The following EXD1 variants were observed in gnomAD, a reference collection of about 807,000 sequenced individuals.
The protein encoded by EXD1 is piRNA biogenesis protein EXD1.
In EXD1, 63 loss-of-function variants were observed where a neutral mutation model predicts 49.1. The observed-to-expected ratio is 1.28, with a 90% CI of 1.05 to 1.58. The LOEUF (loss-of-function observed/expected upper bound fraction) is 1.58. EXD1 is among the 40% of genes most tolerant of loss of function. The probability of loss-of-function intolerance (pLI) is 0.00; values close to 1 mark genes in which losing one functional copy is unlikely to be tolerated. For synonymous variants in EXD1, 234 were observed against 239.2 expected, an observed-to-expected ratio of 0.98 and a Z score of 0.20; for missense variants, 748 against 666.0, an observed-to-expected ratio of 1.12 and a Z score of -1.36.
chr15:41,191,714 C>A, intron 9 of EXD1, 129 bp from the exon 10 acceptor site: 8 of 791,900 alleles, frequency 1.0e-5, no homozygotes, highest in South Asian at 6.0e-5. Context: ...ACCATGTCAT[C>A]GGAAAATTTA....
chr15:41,199,745 T>TGTG lies in EXD1; in HGVS notation c.535-3709_535-3708insCAC, dbSNP rs2046686824. Among the ~76,000 whole-genome samples the TGTG allele has an allele frequency of 2.1e-4, 14 of 68,272 alleles. 3 individuals carry two copies. The South Asian group carries it at 7.2e-3, about 35-fold the overall frequency. The allele number at this position is 68,272 out of a possible 152,430, so 44.8% of individuals were successfully genotyped here. A position where few individuals can be genotyped will look rare whatever the true frequency, so the allele number is the denominator to read the frequency against. On this transcript the variant is annotated intron_variant, in intron 7 of 11. Transcript: ENST00000458580. ...TATTATATATGATATATATGTCATA[T>TGTG]ATTATATATGATACATATATGATAT...
intron 11 of EXD1, among the ~76,000 whole-genome samples, chr15:41,186,470 C>CAAAAAAAAAAAAAAAAAAAAAA (rs58793050): frequency 1.5e-5 from 1 of 68,286 alleles, no homozygotes; most frequent in African/African-American, 5.2e-5. Context: ...GACTCTGTCT[C>CAAAAAAAAAAAAAAAAAAAAAA]AAAAAAAAAA....
In EXD1 at chr15:41,216,677, T is replaced by C; in HGVS notation, c.379A>G (p.Ser127Gly). The C allele has an allele frequency of 1.9e-6, 3 of 1,611,840 alleles. No individual in the cohort carries two copies. The highest frequency in any genetic ancestry group is 2.5e-6 in the Non-Finnish European group (3 of 1,179,682). The change falls in exon 5 of 12, where the codon AGC becomes GGC. Residue 127 changes from serine (S) to glycine (G), a missense_variant. By Grantham distance (56) the Ser-to-Gly change is moderately conservative. Coordinates refer to ENST00000458580, the MANE Select transcript of EXD1 (RefSeq NM_001286441.2). ...GAGCCCCTATATTCACCTGATGGGC[T>C]GTACTTGAGGTCATTCAGCAGAGAG... ...ATSLLNDLKY[S>G]PSEEEEVTYT...
intron 7 of EXD1, among the ~76,000 whole-genome samples, chr15:41,206,730 G>A (rs544583191): frequency 2.1e-5 from 3 of 139,572 alleles, no homozygotes; most frequent in South Asian, 2.3e-4. Flanking sequence ...CAAGTGATCC[G>A]CCTGCCTCAG....
At chr15:41,219,761 GAC>G in intron 3 of EXD1, 67 bp downstream of exon 3, 1 of 1,308,994 alleles carries the variant, frequency 7.6e-7, no homozygotes, top group Non-Finnish European at 1.1e-6. Flanking sequence ...ACAACATTAA[GAC>G]AAGACAATTT....
At chr15:41,191,269 C>G (rs1052144029) in intron 10 of EXD1, among the ~76,000 whole-genome samples, 173 bp downstream of exon 10, 1 of 152,078 alleles carries the variant, frequency 6.6e-6, no homozygotes, top group Non-Finnish European at 1.5e-5. Context: ...TGGATCCTGG[C>G]TTTTATCCAC....
chr15:41,228,027 G>A (rs1302766291), intron 1 of EXD1, among the ~76,000 whole-genome samples: 3 of 152,168 alleles, frequency 2.0e-5, no homozygotes, highest in African/African-American at 7.2e-5. Context: ...TCCAGCCTGG[G>A]AGACAAGAGT....
At chr15:41,217,863 T>A (rs2047025121) in intron 3 of EXD1, among the ~76,000 whole-genome samples, 1 of 152,200 alleles carries the variant, frequency 6.6e-6, no homozygotes, top group African/African-American at 2.4e-5. Flanking sequence ...GCAAAAAGCC[T>A]CTATGTTTCA....
chr15:41,216,204 G>C (rs148956608), intron 5 of EXD1, among the ~76,000 whole-genome samples: 1 of 151,382 alleles, frequency 6.6e-6, no homozygotes, highest in East Asian at 1.9e-4. Flanking sequence ...TCAGAACCCA[G>C]AAGCAATGGC....
chr15:41,196,953 G>A (rs568505097), intron 7 of EXD1, among the ~76,000 whole-genome samples: 2 of 151,920 alleles, frequency 1.3e-5, no homozygotes, highest in East Asian at 1.9e-4. Context: ...AGCCTCCCAA[G>A]TACCTGGATT....
At chr15:41,199,722 T>TTATATAGCA (rs2046682194) in intron 7 of EXD1, among the ~76,000 whole-genome samples, 1 of 94,636 alleles carries the variant, frequency 1.1e-5, no homozygotes, top group African/African-American at 4.8e-5. Context: ...ATATGATATA[T>TTATATAGCA]TATATATGAT....
At chr15:41,187,041 T>A (rs2046421119) in intron 11 of EXD1, among the ~76,000 whole-genome samples, 1 of 151,988 alleles carries the variant, frequency 6.6e-6, no homozygotes, top group Admixed American at 6.6e-5. Context: ...TGCGCCACCA[T>A]GCCCGGCTAA....
chr15:41,211,569 TC>T (rs2046921531), intron 6 of EXD1, among the ~76,000 whole-genome samples: 1 of 152,028 alleles, frequency 6.6e-6, no homozygotes, highest in South Asian at 2.1e-4. Context: ...ATGCCTGTAT[TC>T]CTAGCAGTGA....
intron 4 of EXD1, 84 bp from the exon 5 acceptor site, chr15:41,216,879 A>G: frequency 6.4e-7 from 1 of 1,566,276 alleles, no homozygotes; most frequent in Non-Finnish European, 8.6e-7. Context: ...ATTAACGTTA[A>G]GGACAGTGGT....
At position 41,217,134 on chromosome 15, in the gene EXD1, C is replaced by T; in HGVS notation, c.223G>A (p.Glu75Lys). 6.2e-7 allele frequency: 1 copy of T among 1,612,372 alleles called. No homozygotes were observed. Among genetic ancestry groups the T allele is most frequent in the Non-Finnish European group, 8.5e-7 (1 of 1,179,906 alleles). ...IVNVELLDEV[E>K]QGSVRAKASS... ...GCTTTTGCTCTCACTGAGCCTTGTT[C>T]CACTTCATCTAGTAGTTCCACTGTA... Residue 75 changes from glutamate to lysine, a missense_variant, in exon 4 of 12, where the codon GAA becomes AAA. Glu to Lys is a moderately conservative substitution (Grantham distance 56). Coordinates refer to ENST00000458580, the MANE Select transcript of EXD1 (RefSeq NM_001286441.2).
chr15:41,218,247 G>T (rs970845378), intron 3 of EXD1, among the ~76,000 whole-genome samples: 38 of 152,126 alleles, frequency 2.5e-4, no homozygotes, highest in African/African-American at 8.9e-4. Flanking sequence ...CACTTTGGGA[G>T]GGTGAGGGGG....
At chr15:41,199,711 T>TATGATATATTATATATCATAC (rs2046680491) in intron 7 of EXD1, among the ~76,000 whole-genome samples, 5 of 101,798 alleles carry the variant, frequency 4.9e-5, no homozygotes, top group African/African-American at 1.8e-4. Flanking sequence ...ATATATCATA[T>TATGATATATTATATATCATAC]ATATGATATA....
chr15:41,199,671 T>G (rs1475056255), intron 7 of EXD1, among the ~76,000 whole-genome samples: 1 of 65,394 alleles, frequency 1.5e-5, no homozygotes, highest in African/African-American at 4.8e-5. Flanking sequence ...ATATACACAT[T>G]ATATATATCA....
Position 41,226,467 on chromosome 15 carries a change from T to C in EXD1, c.109A>G (p.Asn37Asp). Residue 37 changes from asparagine (N) to aspartate (D), a missense_variant, in exon 2 of 12, where the codon AAT (asparagine) becomes GAT (aspartate). By Grantham distance (23) the Asn-to-Asp change is conservative. Coordinates refer to ENST00000458580, the MANE Select transcript of EXD1 (RefSeq NM_001286441.2). ...FEGVLQHVDP[N>D]KIVVLKKVKN... ...CCTTTCTTCAGGACAACAATCTTAT[T>C]AGGGTCAACATGCTGAAGCACACCC... 1 of 1,536,034 alleles carries C rather than the reference T, an allele frequency of 6.5e-7. No homozygotes were observed. The highest frequency in any genetic ancestry group is 2.4e-5 in the East Asian group (1 of 40,918).
Sources: allele counts gnomAD v4.1 joint callset (sites outside exome capture counted in the v4.1 genomes callset), GRCh38; gene constraint gnomAD v4.1.1; transcripts MANE v1.5; gene names NCBI Gene and HGNC (gene_info 2026-07-23, HGNC 2026-07-21).